The following PCDH15 variants were observed in gnomAD, a reference collection of about 807,000 sequenced individuals.
PCDH15 encodes protocadherin-15.
In PCDH15, 129 loss-of-function variants were observed where a neutral mutation model predicts 178.5. The observed-to-expected ratio is 0.72, with a 90% CI of 0.63 to 0.84. PCDH15 has a LOEUF of 0.84. Among genes scored for constraint, PCDH15 ranks in the 40% least tolerant of loss-of-function variants. The pLI is 0.00. For missense variants in PCDH15, 2,230 were observed against 2,099.9 expected (o/e 1.06, Z -1.21); for synonymous variants, 800 against 732.0 (o/e 1.09, Z -1.50).
chr10:54,707,251 A>C (rs2132306521), intron 1 of PCDH15, among the ~76,000 whole-genome samples: 1 of 152,250 alleles, frequency 6.6e-6, no homozygotes, highest in African/African-American at 2.4e-5. Context: ...TTTGTTGCAA[A>C]CTCCAGGGAC....
chr10:55,010,756 A>G (rs1840028506), intron 2 of PCDH15, among the ~76,000 whole-genome samples: 1 of 152,170 alleles, frequency 6.6e-6, no homozygotes, highest in Admixed American at 6.5e-5. Flanking sequence ...TAAAATGATT[A>G]TAAGTCTCTT....
intron 2 of PCDH15, among the ~76,000 whole-genome samples, chr10:55,377,642 C>T (rs1423558096): frequency 1.3e-5 from 2 of 151,868 alleles, no homozygotes; most frequent in African/African-American, 4.8e-5. Context: ...TACATAGAGG[C>T]CTCTTTGATC....
At chr10:54,101,609 G>A (rs1179094932) in intron 15 of PCDH15, among the ~76,000 whole-genome samples, 1 of 152,104 alleles carries the variant, frequency 6.6e-6, no homozygotes, top group South Asian at 2.1e-4. Flanking sequence ...CAATGACAAA[G>A]TGAGGAGCTA....
chr10:55,523,501 T>A (rs1356975739), intron 2 of PCDH15, among the ~76,000 whole-genome samples: 4 of 151,684 alleles, frequency 2.6e-5, no homozygotes, highest in Admixed American at 6.6e-5. Context: ...TCGTTTTTTA[T>A]GAAAATACAT....
chr10:54,194,444 A>G (rs1404645249), intron 11 of PCDH15, among the ~76,000 whole-genome samples: 1 of 152,186 alleles, frequency 6.6e-6, no homozygotes, highest in Non-Finnish European at 1.5e-5. Flanking sequence ...GTTACACAGT[A>G]ATTCCATCAT....
chr10:54,827,099 A>T (rs1028717443), intron 3 of PCDH15, among the ~76,000 whole-genome samples: 1 of 152,080 alleles, frequency 6.6e-6, no homozygotes, highest in African/African-American at 2.4e-5. Flanking sequence ...AATGGAGGCC[A>T]GGAAATGTCT....
At chr10:55,546,326 T>C (rs1841881854) in intron 2 of PCDH15, among the ~76,000 whole-genome samples, 1 of 152,160 alleles carries the variant, frequency 6.6e-6, no homozygotes, top group Non-Finnish European at 1.5e-5. Context: ...ATACAGTATA[T>C]TAGTTGTACA....
At chr10:54,713,215 A>G (rs1313463844) in intron 1 of PCDH15, among the ~76,000 whole-genome samples, 1 of 149,416 alleles carries the variant, frequency 6.7e-6, no homozygotes, top group Non-Finnish European at 1.5e-5. Context: ...TAAAACACAC[A>G]CACACACACA....
At chr10:55,142,106 G>A (rs1166327954) in intron 2 of PCDH15, among the ~76,000 whole-genome samples, 2 of 152,104 alleles carry the variant, frequency 1.3e-5, no homozygotes, top group East Asian at 3.9e-4. Flanking sequence ...GCAGCTGAAA[G>A]TAATGAATGT....
intron 2 of PCDH15, among the ~76,000 whole-genome samples, chr10:55,163,204 C>T (rs1039098270): frequency 7.2e-5 from 11 of 152,064 alleles, no homozygotes; most frequent in African/African-American, 2.7e-4. Flanking sequence ...TTTAGTCTCT[C>T]GTTTAGCCAG....
chr10:54,282,192 G>C (rs1486343642), intron 8 of PCDH15, among the ~76,000 whole-genome samples: 3 of 152,086 alleles, frequency 2.0e-5, no homozygotes, highest in Admixed American at 2.0e-4. Context: ...CTGGAAACCT[G>C]CAAAGTCTCA....
intron 2 of PCDH15, among the ~76,000 whole-genome samples, chr10:55,484,599 C>A (rs977807197): frequency 6.6e-6 from 1 of 151,568 alleles, no homozygotes; most frequent in Non-Finnish European, 1.5e-5. Flanking sequence ...CAGCCTTGAG[C>A]AAAAAGAACA....
At chr10:54,198,504 T>C (rs1469883488) in intron 10 of PCDH15, among the ~76,000 whole-genome samples, 2 of 18,810 alleles carry the variant, frequency 1.1e-4, no homozygotes, top group African/African-American at 7.9e-4. Context: ...TCTTTTTTTT[T>C]TTTTTTTTTT....
At chr10:55,355,231 T>C (rs973023132) in intron 2 of PCDH15, among the ~76,000 whole-genome samples, 1 of 152,060 alleles carries the variant, frequency 6.6e-6, no homozygotes, top group Non-Finnish European at 1.5e-5. Context: ...TGTAGATTTT[T>C]GTGTGAAAAT....
At chr10:55,570,319 A>T (rs916789354) in intron 2 of PCDH15, among the ~76,000 whole-genome samples, 3 of 152,032 alleles carry the variant, frequency 2.0e-5, no homozygotes, top group Non-Finnish European at 4.4e-5. Flanking sequence ...TATTTTATAA[A>T]AGACAACCCT....
At chr10:54,808,025 C>G (rs752053933) in intron 3 of PCDH15, among the ~76,000 whole-genome samples, 35 of 151,326 alleles carry the variant, frequency 2.3e-4, no homozygotes, top group Non-Finnish European at 4.9e-4. Context: ...CCAGTTTCAA[C>G]AAATATTAGC....
intron 2 of PCDH15, among the ~76,000 whole-genome samples, chr10:55,419,106 C>T (rs1050672140): frequency 4.0e-5 from 6 of 151,568 alleles, no homozygotes; most frequent in Non-Finnish European, 7.4e-5. Flanking sequence ...GCATAATAAA[C>T]TTCCTATGAT....
intron 2 of PCDH15, among the ~76,000 whole-genome samples, chr10:55,580,609 C>A (rs975308338): frequency 4.6e-4 from 70 of 152,178 alleles, no homozygotes; most frequent in African/African-American, 1.6e-3. Context: ...ATGATCTGCC[C>A]ACCTCGGCCT....
intron 6 of PCDH15, among the ~76,000 whole-genome samples, chr10:54,338,104 T>G (rs1342292): frequency 0.74 from 112,145 of 152,102 alleles, 42,462 homozygotes; most frequent in African/African-American, 0.86. Flanking sequence ...TCTTATTCCA[T>G]CCAACTTCCA....
Sources: gnomAD v4.1 joint callset for allele counts (sites outside exome capture counted in the v4.1 genomes callset) on GRCh38, gnomAD v4.1.1 for gene constraint, MANE v1.5 for transcripts, NCBI Gene and HGNC (gene_info 2026-07-23, HGNC 2026-07-21) for gene names.